The following PWWP2B variants were observed in gnomAD, a reference collection of about 807,000 sequenced individuals.
The protein encoded by PWWP2B is PWWP domain containing 2B.
A neutral mutation model predicts 15.5 loss-of-function variants in PWWP2B; 9 were observed. The ratio of observed to expected loss-of-function variants is 0.58; its 90% CI spans 0.35 to 1.02. The LOEUF (loss-of-function observed/expected upper bound fraction) is 1.02. Ranked by LOEUF, PWWP2B falls within the 50% of genes least tolerant of loss-of-function variation. PWWP2B has a pLI of 0.02. For synonymous variants in PWWP2B, 474 were observed against 403.6 expected, an observed-to-expected ratio of 1.17 and a Z score of -2.09; for missense variants, 864 against 865.3, an observed-to-expected ratio of 1.00 and a Z score of 0.02.
chr10:132,412,640 C>T (rs1241930489), intron 2 of PWWP2B, among the ~76,000 whole-genome samples: 1 of 152,232 alleles, frequency 6.6e-6, no homozygotes, highest in African/African-American at 2.4e-5. Context: ...TTTGCTCTTT[C>T]AGGAGGGATT....
chr10:132,404,044 C>T (rs61865563), intron 1 of PWWP2B, among the ~76,000 whole-genome samples: 8,020 of 67,052 alleles, frequency 0.12, 296 homozygotes, highest in African/African-American at 0.18. Flanking sequence ...AGGGCTCCTG[C>T]AGGACGGCAT....
chr10:132,417,021 C>A (rs1481451734), intron 2 of PWWP2B, 40 bp from the exon 3 acceptor site: 4 of 1,612,834 alleles, frequency 2.5e-6, no homozygotes, highest in East Asian at 2.2e-5. Flanking sequence ...CCATACTCGA[C>A]CCTGAGTTAA....
At chr10:132,407,877 G>A (rs573501936) in intron 2 of PWWP2B, among the ~76,000 whole-genome samples, 9 of 152,318 alleles carry the variant, frequency 5.9e-5, no homozygotes, top group Admixed American at 2.0e-4. Context: ...GAGGACTCCC[G>A]TCTGCTGTCC....
In PWWP2B at chr10:132,416,935, C is replaced by T. The variant is rs148027612; in HGVS notation, c.*17-126C>T. 570 of 927,420 alleles carry T rather than the reference C, an allele frequency of 6.1e-4. 2 individuals carry two copies. In the African/African-American group the frequency reaches 8.4e-3, roughly 14 times the overall value. 57.4% of individuals were successfully genotyped at this position (927,420 alleles called of 1,614,324 possible). A position where few individuals can be genotyped will look rare whatever the true frequency, so the allele number is the denominator to read the frequency against. On this transcript the variant is annotated intron_variant, in intron 2 of 2. Coordinates refer to ENST00000305233, the MANE Select transcript of PWWP2B (RefSeq NM_138499.4). ...AGGAGGGCCGGCAGGAGCTGGGGGG[C>T]GGTGGAGGTCCCGGGTGAGCCTCAG...
At chr10:132,397,777 G>A (rs892057317) in intron 1 of PWWP2B, among the ~76,000 whole-genome samples, 7 of 152,340 alleles carry the variant, frequency 4.6e-5, no homozygotes, top group African/African-American at 1.7e-4. Context: ...CGAAGGCCAC[G>A]GGCCCCTGGC....
intron 1 of PWWP2B, among the ~76,000 whole-genome samples, chr10:132,403,288 C>T (rs765524766): frequency 3.2e-4 from 48 of 152,260 alleles, no homozygotes; most frequent in African/African-American, 1.2e-3. Context: ...CCCTCCCCGG[C>T]GAGTCGCAAT....
chr10:132,406,973 T>C (rs1311747627), intron 2 of PWWP2B, among the ~76,000 whole-genome samples: 1 of 152,168 alleles, frequency 6.6e-6, no homozygotes, highest in Non-Finnish European at 1.5e-5. Context: ...GGCGTCTCAC[T>C]GTCGGCCTCT....
In PWWP2B at chr10:132,406,369, C is replaced by T. The variant is rs990894707; in HGVS notation, c.*16+80C>T. The stretch of plus-strand genomic sequence containing the variant: ...GTCCAGGCCATGCCTCTGCTCCGGG[C>T]CCTGAGGCCCAGGGAGCCGCCGCCT... On this transcript the variant is annotated intron_variant, in intron 2 of 2. Coordinates refer to ENST00000305233, the MANE Select transcript of PWWP2B (RefSeq NM_138499.4). 6 of 1,253,526 alleles carry T rather than the reference C, an allele frequency of 4.8e-6. No homozygotes were observed. The Admixed American group carries it at 1.1e-4, about 23-fold the overall frequency. The allele number at this position is 1,253,526 out of a possible 1,614,324, so 77.7% of individuals were successfully genotyped here.
chr10:132,407,462 C>A (rs954809850), intron 2 of PWWP2B, among the ~76,000 whole-genome samples: 1 of 152,206 alleles, frequency 6.6e-6, no homozygotes, highest in Non-Finnish European at 1.5e-5. Context: ...TCCCAGGTGA[C>A]CGTCCTCGGG....
intron 2 of PWWP2B, among the ~76,000 whole-genome samples, chr10:132,411,674 A>C (rs2069783121): frequency 6.6e-6 from 1 of 152,248 alleles, no homozygotes; most frequent in African/African-American, 2.4e-5. Context: ...GATAATAATC[A>C]GGAAGCTGCC....
At position 132,417,112 on chromosome 10, in the gene PWWP2B, C is replaced by G; in HGVS notation, c.*68C>G. On this transcript the variant is annotated 3_prime_UTR_variant, in exon 3 of 3. Coordinates refer to ENST00000305233, the MANE Select transcript of PWWP2B (RefSeq NM_138499.4). ...TGTCCTGGAGCTTCCGATCTCTGTT[C>G]GGGGACCCTGTGAGCCTTCTGGCCG... is the stretch of plus-strand genomic sequence containing the variant. 2 of 1,613,284 alleles carry G rather than the reference C, an allele frequency of 1.2e-6. No homozygotes were observed. The highest frequency in any genetic ancestry group is 1.7e-6 in the Non-Finnish European group (2 of 1,179,370).
chr10:132,405,824 G>A lies in PWWP2B; in HGVS notation c.1324G>A (p.Asp442Asn), dbSNP rs775551109. The A allele has an allele frequency of 1.2e-6, 2 of 1,609,518 alleles. No homozygotes were observed. The highest frequency in any genetic ancestry group is 8.5e-7 in the Non-Finnish European group (1 of 1,179,622). Residue 442 changes from aspartate (D) to asparagine (N), a missense_variant, in exon 2 of 3, where the codon GAC becomes AAC. Asp to Asn is a conservative substitution (Grantham distance 23). This residue lies in a region of PWWP2B where 736 missense variants were observed against 687.7 expected (regional missense o/e 1.07). Coordinates refer to ENST00000305233, the MANE Select transcript of PWWP2B (RefSeq NM_138499.4). ...RSSGSEGTPA[D>N]TGDLSPGHGA... Reference sequence around the variant, plus strand: ...GTCCGGCTCGGAAGGGACGCCGGCAGACACGGGTGACCTCTCGCCTGGCCA... The same window carrying A: ...GTCCGGCTCGGAAGGGACGCCGGCAAACACGGGTGACCTCTCGCCTGGCCA...
intron 2 of PWWP2B, 67 bp from the exon 3 acceptor site, chr10:132,416,994 C>G: frequency 3.2e-6 from 5 of 1,583,978 alleles, no homozygotes; most frequent in African/African-American, 1.3e-5. Flanking sequence ...CTGCTCAGAC[C>G]TTGAGGGGCT....
chr10:132,411,033 T>A (rs1011847590), intron 2 of PWWP2B, among the ~76,000 whole-genome samples: 1 of 152,202 alleles, frequency 6.6e-6, no homozygotes, highest in Non-Finnish European at 1.5e-5. Flanking sequence ...GGGGTCGTCC[T>A]TGTCTTCTGT....
intron 2 of PWWP2B, among the ~76,000 whole-genome samples, chr10:132,413,333 T>C (rs762183354): frequency 9.9e-5 from 15 of 152,218 alleles, no homozygotes; most frequent in Non-Finnish European, 2.2e-4. Context: ...TCTGATGCAG[T>C]ATGATAGTTT....
Position 132,405,836 on chromosome 10 carries a change from C to T in PWWP2B, c.1336C>T (p.Leu446Phe), listed in dbSNP as rs754270044. The change falls in exon 2 of 3, where the codon CTC becomes TTC. Residue 446 changes from leucine (L) to phenylalanine (F), a missense_variant. Leu to Phe is a conservative substitution (Grantham distance 22, BLOSUM62 0). This residue lies in a region of PWWP2B where 736 missense variants were observed against 687.7 expected (regional missense o/e 1.07). Transcript: ENST00000305233. The stretch of plus-strand genomic sequence containing the variant: ...AGGGACGCCGGCAGACACGGGTGAC[C>T]TCTCGCCTGGCCACGGCGCGTCAGC... ...SEGTPADTGD[L>F]SPGHGASAPS... 1.9e-6 allele frequency: 3 copies of T among 1,610,212 alleles called. No individual in the cohort carries two copies. Among genetic ancestry groups the T allele is most frequent in the African/African-American group, 2.7e-5 (2 of 75,054 alleles).
At chr10:132,406,661 C>A (rs941659202) in intron 2 of PWWP2B, among the ~76,000 whole-genome samples, 1 of 152,206 alleles carries the variant, frequency 6.6e-6, no homozygotes, top group African/African-American at 2.4e-5. Context: ...AGGCTGAGGC[C>A]CTGTCTTGCG....
chr10:132,416,781 C>T (rs990672921), intron 2 of PWWP2B, among the ~76,000 whole-genome samples: 2 of 152,078 alleles, frequency 1.3e-5, no homozygotes, highest in African/African-American at 2.4e-5. Flanking sequence ...GCTCCAGGCC[C>T]GCTGGCTTCT....
At chr10:132,403,795 C>T (rs558553534) in intron 1 of PWWP2B, among the ~76,000 whole-genome samples, 2 of 152,364 alleles carry the variant, frequency 1.3e-5, no homozygotes, top group South Asian at 2.1e-4. Context: ...GCAGTGGCTG[C>T]TCCTGCCCCC....
Sources: gnomAD v4.1 joint callset for allele counts (sites outside exome capture counted in the v4.1 genomes callset) on GRCh38, gnomAD v4.1.1 for gene constraint, gnomAD v4.1.1 regional missense constraint, MANE v1.5 for transcripts, NCBI Gene and HGNC (gene_info 2026-07-23, HGNC 2026-07-21) for gene names.